CSMD3: variants seen among roughly 807,000 people sequenced by gnomAD.
The protein encoded by CSMD3 is CUB and Sushi multiple domains 3.
Under a neutral mutation model 435.2 loss-of-function variants are expected in CSMD3, and 177 were observed. The observed-to-expected ratio is 0.41, with a 90% CI of 0.36 to 0.46. CSMD3 has a LOEUF of 0.46. CSMD3 is among the 20% of genes least tolerant of loss of function. The pLI is 0.34. For synonymous variants in CSMD3, 1,656 were observed against 1,520.5 expected, an observed-to-expected ratio of 1.09 and a Z score of -2.07; for missense variants, 4,265 against 4,504.6, an observed-to-expected ratio of 0.95 and a Z score of 1.52.
chr8:112,353,709 A>C (rs1294496049), intron 38 of CSMD3, among the ~76,000 whole-genome samples: 1 of 152,158 alleles, frequency 6.6e-6, no homozygotes, highest in East Asian at 1.9e-4. Flanking sequence ...TCAGTAAGAA[A>C]AAAACCTACC....
At chr8:112,975,332 C>T (rs1384328352) in intron 7 of CSMD3, among the ~76,000 whole-genome samples, 2 of 152,038 alleles carry the variant, frequency 1.3e-5, no homozygotes, top group Admixed American at 1.3e-4. Context: ...AAAACGATCA[C>T]CAGATATAAT....
intron 13 of CSMD3, among the ~76,000 whole-genome samples, chr8:112,726,170 A>C (rs957614908): frequency 1.3e-5 from 2 of 151,982 alleles, no homozygotes; most frequent in African/African-American, 2.4e-5. Flanking sequence ...CCTATGATTC[A>C]ATTACCTCCA....
chr8:112,928,071 C>T (rs2082970909), intron 9 of CSMD3, among the ~76,000 whole-genome samples: 2 of 152,234 alleles, frequency 1.3e-5, no homozygotes, highest in Non-Finnish European at 2.9e-5. Flanking sequence ...TAAATTCTAT[C>T]ACTAGGAGTA....
chr8:112,783,869 T>C (rs1227801827), intron 13 of CSMD3, among the ~76,000 whole-genome samples: 1 of 150,260 alleles, frequency 6.7e-6, no homozygotes, highest in African/African-American at 2.4e-5. Flanking sequence ...TACATGTTGA[T>C]AAAGGGGTCA....
chr8:112,401,150 A>C (rs1351256907), intron 35 of CSMD3, among the ~76,000 whole-genome samples: 1 of 152,156 alleles, frequency 6.6e-6, no homozygotes, highest in Non-Finnish European at 1.5e-5. Flanking sequence ...CAGAGGTTGC[A>C]GGAGATCGCA....
intron 10 of CSMD3, among the ~76,000 whole-genome samples, chr8:112,920,910 T>G (rs1355003688): frequency 7.0e-6 from 1 of 143,110 alleles, no homozygotes; most frequent in African/African-American, 2.5e-5. Flanking sequence ...GCCATATATA[T>G]ATATATATAC....
chr8:112,268,988 T>C (rs1227260145), intron 59 of CSMD3, among the ~76,000 whole-genome samples: 1 of 152,148 alleles, frequency 6.6e-6, no homozygotes, highest in Non-Finnish European at 1.5e-5. Context: ...TGTTCTGCAA[T>C]ATATCTCTGG....
chr8:112,878,427 A>T (rs201977729), intron 10 of CSMD3, among the ~76,000 whole-genome samples: 1 of 152,164 alleles, frequency 6.6e-6, no homozygotes, highest in African/African-American at 2.4e-5. Context: ...CAGATGCTGG[A>T]GAGGATGTGG....
chr8:112,302,021 T>G, intron 52 of CSMD3, 55 bp from the exon 53 acceptor site: 2 of 1,216,802 alleles, frequency 1.6e-6, no homozygotes, highest in Non-Finnish European at 2.4e-6. Flanking sequence ...GCTGCACTTG[T>G]AACAAAACTG....
chr8:112,465,178 T>C (rs1037083028), intron 32 of CSMD3, among the ~76,000 whole-genome samples: 1 of 152,174 alleles, frequency 6.6e-6, no homozygotes, highest in African/African-American at 2.4e-5. Context: ...TTTTAGCTGC[T>C]TTTAAGCCTG....
At chr8:113,278,813 T>C in intron 2 of CSMD3, 109 bp from the exon 3 acceptor site, 1 of 661,566 alleles carries the variant, frequency 1.5e-6, no homozygotes, top group Admixed American at 2.1e-5. Context: ...TTTTCTCCTA[T>C]AATTTCCAGA....
chr8:112,828,468 C>G (rs2132470900), intron 12 of CSMD3, among the ~76,000 whole-genome samples: 1 of 152,242 alleles, frequency 6.6e-6, no homozygotes, highest in African/African-American at 2.4e-5. Context: ...CTCTCTCTCT[C>G]TCTTTCTCTC....
intron 38 of CSMD3, among the ~76,000 whole-genome samples, chr8:112,355,454 T>C (rs1258404306): frequency 6.6e-6 from 1 of 152,186 alleles, no homozygotes; most frequent in South Asian, 2.1e-4. Flanking sequence ...GGAGAAAATG[T>C]TCGTAAGCTA....
intron 69 of CSMD3, among the ~76,000 whole-genome samples, chr8:112,230,450 T>G: frequency 6.6e-6 from 1 of 152,190 alleles, no homozygotes; most frequent in African/African-American, 2.4e-5. Flanking sequence ...ACCTTATTTT[T>G]CCTGTGACTT....
chr8:112,530,702 T>A (rs1825441658), intron 27 of CSMD3, among the ~76,000 whole-genome samples: 2 of 152,084 alleles, frequency 1.3e-5, no homozygotes, highest in Admixed American at 1.3e-4. Context: ...CAAGAATATA[T>A]AAAACTCAGT....
intron 8 of CSMD3, among the ~76,000 whole-genome samples, chr8:112,953,124 G>GGA (rs1165173495): frequency 5.9e-5 from 9 of 151,416 alleles, no homozygotes; most frequent in Non-Finnish European, 7.4e-5. Context: ...AAATTGAGAA[G>GGA]AGGGTAAGCC....
At chr8:113,421,781 G>A (rs11985074) in intron 1 of CSMD3, among the ~76,000 whole-genome samples, 3,432 of 152,170 alleles carry the variant, frequency 0.023, 113 homozygotes, top group African/African-American at 0.077. Flanking sequence ...CAAAAGGAAT[G>A]CAACTGATGT....
At chr8:112,589,340 C>T (rs553936220) in intron 22 of CSMD3, among the ~76,000 whole-genome samples, 11 of 152,142 alleles carry the variant, frequency 7.2e-5, no homozygotes, top group East Asian at 5.8e-4. Context: ...CTATTTTCTC[C>T]GCATATGAAC....
intron 11 of CSMD3, among the ~76,000 whole-genome samples, chr8:112,848,130 AC>A (rs2080380108): frequency 6.6e-6 from 1 of 152,184 alleles, no homozygotes; most frequent in Non-Finnish European, 1.5e-5. Flanking sequence ...CTCATTTAAT[AC>A]TTCACTTCAA....
Sources: allele counts gnomAD v4.1 joint callset (sites outside exome capture counted in the v4.1 genomes callset), GRCh38; gene constraint gnomAD v4.1.1; transcripts MANE v1.5; gene names NCBI Gene and HGNC (gene_info 2026-07-23, HGNC 2026-07-21).